The following DPF2 variants were observed in gnomAD, a reference collection of about 807,000 sequenced individuals.
DPF2 encodes double PHD fingers 2, also known as zinc finger protein ubi-d4.
In DPF2, 10 loss-of-function variants were observed where a neutral mutation model predicts 59.6. The ratio of observed to expected loss-of-function variants is 0.17; its 90% CI spans 0.10 to 0.28. The LOEUF (loss-of-function observed/expected upper bound fraction) is 0.28, where lower values mean the gene tolerates loss of function less well. Ranked by LOEUF, DPF2 falls within the 10% of genes least tolerant of loss-of-function variation. The probability of loss-of-function intolerance (pLI) is 1.00; values close to 1 mark genes in which losing one functional copy is unlikely to be tolerated. For missense variants in DPF2, 315 were observed against 509.4 expected (o/e 0.62, Z 3.67); for synonymous variants, 189 against 190.6 (o/e 0.99, Z 0.07).
At chr11:65,336,657 C>T (rs913217037) in intron 1 of DPF2, among the ~76,000 whole-genome samples, 63 of 150,862 alleles carry the variant, frequency 4.2e-4, no homozygotes, top group African/African-American at 1.4e-3. Flanking sequence ...GGCATGGTGG[C>T]GTGTGTCTGT....
In DPF2 at chr11:65,345,938, G is replaced by A. The variant is rs779922590; in HGVS notation, c.784G>A (p.Gly262Ser). 4 of 1,614,124 alleles carry A rather than the reference G, an allele frequency of 2.5e-6. No homozygotes were observed. Among genetic ancestry groups the A allele is most frequent in the South Asian group, 1.1e-5 (1 of 91,082 alleles). The change falls in exon 8 of 11, where the codon GGT becomes AGT. Residue 262 changes from glycine (G) to serine (S), a missense_variant. Physicochemically the swap from Gly to Ser is moderately conservative, Grantham distance 56. This residue lies in a region of DPF2 where 58 missense variants were observed against 84.6 expected (regional missense o/e 0.69). Transcript: ENST00000528416. ...ACTCTTTCTCTCTGTAGCCAAAAAG[G>A]GTCCTGATGGATTGGCCTTGCCCAA... is the stretch of plus-strand genomic sequence containing the variant. ...QRSEEQKSKK[G>S]PDGLALPNNY...
intron 1 of DPF2, among the ~76,000 whole-genome samples, chr11:65,334,351 G>A (rs1950068380): frequency 6.6e-6 from 1 of 151,778 alleles, no homozygotes; most frequent in Non-Finnish European, 1.5e-5. Context: ...CAGGCTCGGC[G>A]GCCCCTGCGG....
At position 65,337,494 on chromosome 11, in the gene DPF2, TATATATATATAGAGAGAGAGAGAGAGAG is replaced by T. The variant is rs1470318575; in HGVS notation, c.33-2889_33-2862del. On this transcript the variant is annotated intron_variant, in intron 1 of 10. Coordinates refer to ENST00000528416, the MANE Select transcript of DPF2 (RefSeq NM_006268.5). ...AAAAAAATATATATATATATATATA[TATATATATATAGAGAGAGAGAGAGAGAG>T]AGAGAGAGAGAGAGAGAGAGAGAGA... Among the ~76,000 whole-genome samples, 5 of 62,586 alleles carry T rather than the reference TATATATATATAGAGAGAGAGAGAGAGAG, an allele frequency of 8.0e-5. No individual in the cohort carries two copies. The East Asian group carries it at 1.9e-3, about 23-fold the overall frequency. The allele number at this position is 62,586 out of a possible 152,430, so 41.1% of individuals were successfully genotyped here. A position where few individuals can be genotyped will look rare whatever the true frequency, so the allele number is the denominator to read the frequency against.
At chr11:65,334,855 G>A (rs765759689) in intron 1 of DPF2, among the ~76,000 whole-genome samples, 3 of 152,152 alleles carry the variant, frequency 2.0e-5, no homozygotes, top group Non-Finnish European at 4.4e-5. Flanking sequence ...GTGTCTAGCT[G>A]TCCAGTCAGG....
intron 8 of DPF2, 45 bp downstream of exon 8, chr11:65,346,103 G>T (rs569277444): frequency 6.2e-7 from 1 of 1,610,472 alleles, no homozygotes; most frequent in African/African-American, 1.3e-5. Context: ...GTCCCCAAGG[G>T]GCTCTTGGCT....
intron 1 of DPF2, among the ~76,000 whole-genome samples, chr11:65,335,759 C>T (rs1950086646): frequency 6.6e-6 from 1 of 152,126 alleles, no homozygotes; most frequent in African/African-American, 2.4e-5. Flanking sequence ...AGTCTTCTGA[C>T]AGCTGATGTT....
intron 6 of DPF2, chr11:65,345,441 G>A (rs1854499656): frequency 1.7e-6 from 1 of 576,056 alleles, no homozygotes; most frequent in Non-Finnish European, 3.0e-6. Context: ...TGGCCATGGG[G>A]TTGGAGTTCA....
At chr11:65,341,355 T>A in intron 3 of DPF2, 44 bp from the exon 4 acceptor site, 1 of 1,611,712 alleles carries the variant, frequency 6.2e-7, no homozygotes, top group Non-Finnish European at 8.5e-7. Context: ...AGCAGTCTGC[T>A]TTCAGCCCTT....
intron 1 of DPF2, among the ~76,000 whole-genome samples, chr11:65,334,135 G>C (rs1397059555): frequency 6.6e-6 from 1 of 152,250 alleles, no homozygotes; most frequent in Non-Finnish European, 1.5e-5. Flanking sequence ...GAGCCCCGAC[G>C]GGCGGCATCC....
intron 1 of DPF2, among the ~76,000 whole-genome samples, chr11:65,339,788 C>G (rs1289852061): frequency 2.0e-5 from 3 of 152,014 alleles, no homozygotes; most frequent in African/African-American, 7.2e-5. Flanking sequence ...GCTTTTTGTC[C>G]CTAGTTAACT....
chr11:65,353,643 G>A lies in DPF2; in HGVS notation c.*1884G>A, dbSNP rs1246971371. ...TATGTCTTCAGTGTGTGTTTTAGAA[G>A]TCCAACTGTTGTTTTTATGTTTTTA... On this transcript the variant is annotated 3_prime_UTR_variant, in exon 11 of 11. Coordinates refer to ENST00000528416, the MANE Select transcript of DPF2 (RefSeq NM_006268.5). 3.9e-5 allele frequency among the ~76,000 whole-genome samples: 6 copies of A among 152,214 alleles called. No individual in the cohort carries two copies. The highest frequency in any genetic ancestry group is 3.9e-4 in the Admixed American group (6 of 15,266).
rs1854706546 is a variant in DPF2, at chr11:65,351,841, TC to T, written c.*84del. 1 of 1,454,640 alleles carries T rather than the reference TC, an allele frequency of 6.9e-7. No homozygotes were observed. The highest frequency in any genetic ancestry group is 9.6e-7 in the Non-Finnish European group (1 of 1,045,248). The allele number at this position is 1,454,640 out of a possible 1,614,324, so 90.1% of individuals were successfully genotyped here. On this transcript the variant is annotated 3_prime_UTR_variant, in exon 11 of 11. Coordinates refer to ENST00000528416, the MANE Select transcript of DPF2 (RefSeq NM_006268.5). ...TATTTCATACCCATCTTTCCCTTCT[TC>T]CTCCTCTCCTTCACAAATCCAGAGA...
intron 1 of DPF2, among the ~76,000 whole-genome samples, chr11:65,337,227 G>A (rs1242991392): frequency 6.6e-6 from 1 of 151,436 alleles, no homozygotes; most frequent in South Asian, 2.1e-4. Flanking sequence ...CGAGGTGGGC[G>A]GATCATGAGG....
chr11:65,351,090 C>T (rs964085225), intron 10 of DPF2, among the ~76,000 whole-genome samples: 4 of 151,992 alleles, frequency 2.6e-5, no homozygotes, highest in African/African-American at 7.3e-5. Context: ...CTTTGCCAAC[C>T]GTATTGACCT....
chr11:65,350,543 G>A (rs868808961), intron 10 of DPF2, among the ~76,000 whole-genome samples: 6 of 150,362 alleles, frequency 4.0e-5, no homozygotes, highest in Middle Eastern at 3.4e-3. Flanking sequence ...CACCACACCC[G>A]GCTAATTTTT....
rs1463315352 is a variant in DPF2 at position 65,353,832 on chromosome 11, C to T, written c.*2073C>T. On this transcript the variant is annotated 3_prime_UTR_variant, in exon 11 of 11. Coordinates refer to ENST00000528416, the MANE Select transcript of DPF2 (RefSeq NM_006268.5). ...GCTGGGGATTGTGTGAGGAGCAGAG[C>T]GCAGCCCGTCCTCATGCTTTTCCAC... Among the ~76,000 whole-genome samples, 2 of 152,128 alleles carry T rather than the reference C, an allele frequency of 1.3e-5. No individual in the cohort carries two copies. Among genetic ancestry groups the T allele is most frequent in the Non-Finnish European group, 2.9e-5 (2 of 68,036 alleles).
intron 1 of DPF2, among the ~76,000 whole-genome samples, chr11:65,335,527 A>C (rs1374180490): frequency 5.3e-5 from 8 of 152,162 alleles, no homozygotes. Flanking sequence ...AGAGCGTGAC[A>C]TCTTGTTTCT....
chr11:65,351,976 C>T lies in DPF2; in HGVS notation c.*217C>T, dbSNP rs1854711388. On this transcript the variant is annotated 3_prime_UTR_variant, in exon 11 of 11. Coordinates refer to ENST00000528416, the MANE Select transcript of DPF2 (RefSeq NM_006268.5). The stretch of plus-strand genomic sequence containing the variant: ...GGGAGAAAGGAGCAACACACTGCCC[C>T]TAGGCGTGCGTGTGGCCCAGTTTCT... 3.4e-6 allele frequency: 2 copies of T among 588,020 alleles called. No individual in the cohort carries two copies. Among genetic ancestry groups the T allele is most frequent in the South Asian group, 4.0e-5 (2 of 49,622 alleles). 36.4% of individuals were successfully genotyped at this position (588,020 alleles called of 1,614,324 possible). A position where few individuals can be genotyped will look rare whatever the true frequency, so the allele number is the denominator to read the frequency against.
At chr11:65,351,012 A>C (rs898172932) in intron 10 of DPF2, among the ~76,000 whole-genome samples, 3 of 152,034 alleles carry the variant, frequency 2.0e-5, no homozygotes, top group Non-Finnish European at 4.4e-5. Context: ...AGTTAAAAAA[A>C]AAATGCATGA....
Sources: allele counts gnomAD v4.1 joint callset (sites outside exome capture counted in the v4.1 genomes callset), GRCh38; gene constraint gnomAD v4.1.1; regional missense constraint gnomAD v4.1.1; transcripts MANE v1.5; gene names NCBI Gene and HGNC (gene_info 2026-07-23, HGNC 2026-07-21).